Variants in YEATS2 observed in about 807,000 individuals in gnomAD.
YEATS2 encodes YEATS domain-containing protein 2.
A neutral mutation model predicts 163.2 loss-of-function variants in YEATS2; 77 were observed. That is an observed-to-expected ratio of 0.47 (90% confidence interval 0.39 to 0.57). The LOEUF is 0.57. Ranked by LOEUF, YEATS2 falls within the 20% of genes least tolerant of loss-of-function variation. The probability of loss-of-function intolerance (pLI) is 0.00; values close to 1 mark genes in which losing one functional copy is unlikely to be tolerated. For missense variants in YEATS2, 1,549 were observed against 1,729.8 expected, an observed-to-expected ratio of 0.90 and a Z score of 1.85; for synonymous variants, 631 against 645.1, an observed-to-expected ratio of 0.98 and a Z score of 0.33.
chr3:183,715,472 C>T (rs1243243734), intron 2 of YEATS2, among the ~76,000 whole-genome samples: 1 of 152,068 alleles, frequency 6.6e-6, no homozygotes, highest in Admixed American at 6.5e-5. Flanking sequence ...ATCAAGCAGA[C>T]AGTGAAAGCG....
At chr3:183,790,657 A>T in intron 20 of YEATS2, 140 bp from the exon 21 acceptor site, 1 of 856,708 alleles carries the variant, frequency 1.2e-6, no homozygotes, top group Non-Finnish European at 1.7e-6. Flanking sequence ...AATCTTTTTT[A>T]AATGGTATGG....
chr3:183,741,474 C>G (rs1253926591), intron 8 of YEATS2, among the ~76,000 whole-genome samples: 2 of 152,058 alleles, frequency 1.3e-5, no homozygotes, highest in African/African-American at 4.8e-5. Context: ...GATAATTCAC[C>G]TGGTCACTTA....
intron 23 of YEATS2, among the ~76,000 whole-genome samples, chr3:183,800,130 C>T (rs1415136096): frequency 1.3e-5 from 2 of 152,168 alleles, no homozygotes; most frequent in Non-Finnish European, 2.9e-5. Context: ...CCGCGCCCGG[C>T]CCAGAGTAGC....
At chr3:183,748,505 A>G (rs1311302426) in intron 9 of YEATS2, among the ~76,000 whole-genome samples, 1 of 152,152 alleles carries the variant, frequency 6.6e-6, no homozygotes, top group South Asian at 2.1e-4. Context: ...GCCTGACCTC[A>G]GGTGATCCAC....
chr3:183,734,792 A>G lies in YEATS2; in HGVS notation c.813-1926A>G, dbSNP rs371952448. On this transcript the variant is annotated intron_variant, in intron 7 of 30. Transcript: ENST00000305135. Reference sequence around the variant, plus strand: ...TTAGTCGAGCAGGGAGCTGTACTCCATTCTGTGTTTCTAATAAAGCCATTT... The same window carrying G: ...TTAGTCGAGCAGGGAGCTGTACTCCGTTCTGTGTTTCTAATAAAGCCATTT... Among the ~76,000 whole-genome samples, 19 of 152,306 alleles carry G rather than the reference A, an allele frequency of 1.2e-4. 1 individual carries two copies. Among genetic ancestry groups the G allele is most frequent in the Admixed American group, 5.2e-4 (8 of 15,292 alleles).
At chr3:183,708,272 C>T (rs1461661495) in intron 1 of YEATS2, among the ~76,000 whole-genome samples, 1 of 151,586 alleles carries the variant, frequency 6.6e-6, no homozygotes, top group Non-Finnish European at 1.5e-5. Context: ...AGCAGTTCTC[C>T]TGACTCAGCC....
In YEATS2 at chr3:183,717,682, T is replaced by G; in HGVS notation, c.132T>G (p.Thr44=). ...ATGCTGCTGTGCAGAAGATTGAGAC[T>G]ATTATCAAAGAACAGTTTGCTCTTG... ...ARDAAVQKIE[T]IIKEQFALEM... is the part of the protein sequence containing the mutation. The change falls in exon 3 of 31, where the codon ACT becomes ACG. Residue 44 remains threonine, a synonymous_variant. Coordinates refer to ENST00000305135, the MANE Select transcript of YEATS2 (RefSeq NM_018023.5). The G allele has an allele frequency of 6.4e-7, 1 of 1,571,624 alleles. No homozygotes were observed. The highest frequency in any genetic ancestry group is 8.6e-7 in the Non-Finnish European group (1 of 1,165,170).
chr3:183,754,938 C>T (rs1720557198), intron 11 of YEATS2, among the ~76,000 whole-genome samples: 1 of 152,040 alleles, frequency 6.6e-6, no homozygotes. Context: ...TTGACTGTTC[C>T]ACCTTAGAAC....
At chr3:183,730,052 G>GTTTTTTTTTTTTTTTTTTTTTTT (rs869091775) in intron 7 of YEATS2, among the ~76,000 whole-genome samples, 2 of 41,698 alleles carry the variant, frequency 4.8e-5, no homozygotes, top group African/African-American at 8.2e-5. Context: ...TTTTTTGTTT[G>GTTTTTTTTTTTTTTTTTTTTTTT]TTTTTTTTTT....
chr3:183,787,902 C>G (rs1157680452), intron 20 of YEATS2, among the ~76,000 whole-genome samples: 3 of 151,944 alleles, frequency 2.0e-5, no homozygotes, highest in Non-Finnish European at 2.9e-5. Context: ...ACTCAGGAGG[C>G]TGAGGCAGGA....
rs143473253 is a variant in YEATS2 at position 183,789,525 on chromosome 3, A to ATTTTTTTTTTTTTTTTTTTTTTTTTTTT, written c.2914-1271_2914-1244dup. ...TTAGGTTTCAGATTCATTCGAGTTA[A>ATTTTTTTTTTTTTTTTTTTTTTTTTTTT]TTTTTTTTTTTTTTTTTTTTTTTTT... On this transcript the variant is annotated intron_variant, in intron 20 of 30. Transcript: ENST00000305135. Among the ~76,000 whole-genome samples the ATTTTTTTTTTTTTTTTTTTTTTTTTTTT allele has an allele frequency of 7.5e-5, 5 of 66,350 alleles. 1 individual carries two copies. The highest frequency in any genetic ancestry group is 3.4e-4 in the African/African-American group (5 of 14,618). The allele number at this position is 66,350 out of a possible 152,430, so 43.5% of individuals were successfully genotyped here. A position where few individuals can be genotyped will look rare whatever the true frequency, so the allele number is the denominator to read the frequency against.
chr3:183,710,880 G>A (rs1412553148), intron 1 of YEATS2, among the ~76,000 whole-genome samples: 1 of 152,166 alleles, frequency 6.6e-6, no homozygotes, highest in African/African-American at 2.4e-5. Context: ...ACTCATCTTT[G>A]TAGATAATCT....
chr3:183,803,107 C>G, intron 25 of YEATS2, 149 bp from the exon 26 acceptor site: 1 of 748,416 alleles, frequency 1.3e-6, no homozygotes, highest in Non-Finnish European at 2.2e-6. Flanking sequence ...GAGACGCCCT[C>G]CTGTGTTAGG....
At chr3:183,784,159 C>T (rs953369101) in intron 19 of YEATS2, among the ~76,000 whole-genome samples, 1 of 152,166 alleles carries the variant, frequency 6.6e-6, no homozygotes, top group South Asian at 2.1e-4. Context: ...GTGCTGGGAT[C>T]ACAGGCATGA....
rs1306864164 is a variant in YEATS2 at position 183,717,143 on chromosome 3, T to C, written c.101-508T>C. 7.2e-5 allele frequency among the ~76,000 whole-genome samples: 11 copies of C among 152,136 alleles called. No homozygotes were observed. The East Asian group carries it at 2.1e-3, about 29-fold the overall frequency. Reference sequence around the variant, plus strand: ...CCTGACCTCAGGTAATCCACCTGTCTGGGCCTCCTAGAGTGCTGGGATTAC... The same window carrying C: ...CCTGACCTCAGGTAATCCACCTGTCCGGGCCTCCTAGAGTGCTGGGATTAC... On this transcript the variant is annotated intron_variant, in intron 2 of 30. Transcript: ENST00000305135.
chr3:183,736,349 T>C (rs1718340650), intron 7 of YEATS2, among the ~76,000 whole-genome samples: 4 of 152,206 alleles, frequency 2.6e-5, no homozygotes. Flanking sequence ...TACAAGGGTT[T>C]AGGGTAGGGA....
intron 7 of YEATS2, among the ~76,000 whole-genome samples, chr3:183,732,784 C>T (rs1717941949): frequency 6.9e-6 from 1 of 144,192 alleles, no homozygotes; most frequent in Non-Finnish European, 1.5e-5. Flanking sequence ...TGGTCTCGAT[C>T]TCCTGACCTC....
At chr3:183,769,153 G>A (rs1722206880) in intron 15 of YEATS2, among the ~76,000 whole-genome samples, 1 of 152,164 alleles carries the variant, frequency 6.6e-6, no homozygotes. Flanking sequence ...AGGGAGAAGA[G>A]TGTGATGAAT....
intron 27 of YEATS2, chr3:183,806,214 A>T (rs1444184925): frequency 9.4e-6 from 4 of 426,272 alleles, no homozygotes; most frequent in Non-Finnish European, 1.8e-5. Flanking sequence ...TGGGTTTTTC[A>T]GGATATAGCC....
Sources: allele counts gnomAD v4.1 joint callset (sites outside exome capture counted in the v4.1 genomes callset), GRCh38; gene constraint gnomAD v4.1.1; transcripts MANE v1.5; gene names NCBI Gene and HGNC (gene_info 2026-07-23, HGNC 2026-07-21).